SGMS2: variants seen among roughly 807,000 people sequenced by gnomAD.
SGMS2 encodes the protein sphingomyelin synthase 2.
In SGMS2, 21 loss-of-function variants were observed where a neutral mutation model predicts 43.8. The ratio of observed to expected loss-of-function variants is 0.48; its 90% CI spans 0.34 to 0.69. The LOEUF (loss-of-function observed/expected upper bound fraction) is 0.69. SGMS2 is among the 30% of genes least tolerant of loss of function. SGMS2 has a pLI of 0.01. For missense variants in SGMS2, 384 were observed against 443.2 expected, an observed-to-expected ratio of 0.87 and a Z score of 1.20; for synonymous variants, 167 against 160.6, an observed-to-expected ratio of 1.04 and a Z score of -0.30.
chr4:107,900,664 T>A (rs576934978), intron 4 of SGMS2, among the ~76,000 whole-genome samples: 2 of 152,128 alleles, frequency 1.3e-5, no homozygotes, highest in Non-Finnish European at 2.9e-5. Context: ...CAGTGCACCC[T>A]GGTTTACAAA....
At chr4:107,890,344 G>T (rs770163885) in intron 2 of SGMS2, among the ~76,000 whole-genome samples, 62 of 152,042 alleles carry the variant, frequency 4.1e-4, no homozygotes, top group Non-Finnish European at 5.0e-4. Context: ...AGAAGTAAAT[G>T]AAGAAAACAG....
rs201463030 is a variant in SGMS2, at chr4:107,830,727, G to GT, written c.-327+5482dup. Among the ~76,000 whole-genome samples the GT allele has an allele frequency of 4.4e-3, 669 of 151,774 alleles. 3 individuals carry two copies. The highest frequency in any genetic ancestry group is 0.015 in the African/African-American group (606 of 41,352). ...TGCCCATTTTTTAATGGGGTTGTTG[G>GT]TTTTTTTTGCTTGTAAATGTTTAAG... On this transcript the variant is annotated intron_variant, in intron 1 of 6. Transcript: ENST00000690982.
chr4:107,847,546 G>A (rs967934482), intron 1 of SGMS2, among the ~76,000 whole-genome samples: 3 of 152,110 alleles, frequency 2.0e-5, no homozygotes, highest in East Asian at 3.9e-4. Context: ...GTCAGGTAGT[G>A]TGATGCCTCC....
chr4:107,897,828 G>C (rs1302917689), intron 3 of SGMS2, among the ~76,000 whole-genome samples: 1 of 152,114 alleles, frequency 6.6e-6, no homozygotes, highest in Non-Finnish European at 1.5e-5. Context: ...GAACATCCCA[G>C]CTGAATGAGG....
At position 107,892,111 on chromosome 4, in the gene SGMS2, A is replaced by G. The variant is rs1310437363; in HGVS notation, c.-244-3199A>G. On this transcript the variant is annotated intron_variant, in intron 2 of 6. Transcript: ENST00000690982. Reference sequence around the variant, plus strand: ...TATCTCCTGTGTCACTAGGAGCAGGAAAAAAAAAAAAAAACCTCATCTTCC... The same window carrying G: ...TATCTCCTGTGTCACTAGGAGCAGGGAAAAAAAAAAAAAACCTCATCTTCC... Among the ~76,000 whole-genome samples, 5 of 41,402 alleles carry G rather than the reference A, an allele frequency of 1.2e-4. No homozygotes were observed. In the African/African-American group the frequency reaches 1.4e-3, roughly 12 times the overall value. 27.2% of individuals were successfully genotyped at this position (41,402 alleles called of 152,430 possible). A position where few individuals can be genotyped will look rare whatever the true frequency, so the allele number is the denominator to read the frequency against.
At chr4:107,844,712 A>T (rs1220157225) in intron 1 of SGMS2, among the ~76,000 whole-genome samples, 1 of 152,132 alleles carries the variant, frequency 6.6e-6, no homozygotes, top group Non-Finnish European at 1.5e-5. Flanking sequence ...TCTCCAAAAA[A>T]ATGTGTCTAT....
intron 1 of SGMS2, among the ~76,000 whole-genome samples, chr4:107,836,625 G>A (rs549068198): frequency 1.3e-5 from 2 of 152,182 alleles, no homozygotes; most frequent in African/African-American, 4.8e-5. Flanking sequence ...TCACCTCATC[G>A]TCTACCTCTT....
At chr4:107,863,159 A>G (rs1423374189) in intron 2 of SGMS2, among the ~76,000 whole-genome samples, 1 of 152,198 alleles carries the variant, frequency 6.6e-6, no homozygotes, top group Non-Finnish European at 1.5e-5. Context: ...CCCTTGGGTC[A>G]CATCTCTAAT....
At chr4:107,853,282 G>C (rs970209387) in intron 1 of SGMS2, among the ~76,000 whole-genome samples, 20 of 152,046 alleles carry the variant, frequency 1.3e-4, no homozygotes, top group African/African-American at 4.8e-4. Flanking sequence ...CCTGTTTCTT[G>C]GATATTTTAA....
rs1730589066 is a variant in SGMS2, at chr4:107,895,491, G to T, written c.-63G>T. 2.7e-6 allele frequency: 4 copies of T among 1,503,922 alleles called. No homozygotes were observed. Among genetic ancestry groups the T allele is most frequent in the Non-Finnish European group, 3.6e-6 (4 of 1,117,166 alleles). The allele number at this position is 1,503,922 out of a possible 1,614,324, so 93.2% of individuals were successfully genotyped here. A position where few individuals can be genotyped will look rare whatever the true frequency, so the allele number is the denominator to read the frequency against. On this transcript the variant is annotated 5_prime_UTR_variant, in exon 3 of 7. Coordinates refer to ENST00000690982, the MANE Select transcript of SGMS2 (RefSeq NM_001375905.1). ...CTTGGAAATAGAAGGATTGAAAAAA[G>T]CTAAATTTCCACAAAGAACAAGAAC...
At chr4:107,898,539 A>G (rs575973560) in intron 3 of SGMS2, among the ~76,000 whole-genome samples, 1 of 152,250 alleles carries the variant, frequency 6.6e-6, no homozygotes, top group South Asian at 2.1e-4. Context: ...TGTTTTATGC[A>G]GTAATGAAGT....
intron 5 of SGMS2, among the ~76,000 whole-genome samples, chr4:107,907,579 C>T (rs547341183): frequency 6.6e-6 from 1 of 152,186 alleles, no homozygotes; most frequent in South Asian, 2.1e-4. Flanking sequence ...CCATTGAACT[C>T]CAGCATGGGC....
chr4:107,826,134 G>A (rs1396541134), intron 1 of SGMS2, among the ~76,000 whole-genome samples: 1 of 152,152 alleles, frequency 6.6e-6, no homozygotes, highest in Non-Finnish European at 1.5e-5. Context: ...AGATAATAAG[G>A]TGGATTAAAT....
chr4:107,834,783 TC>T (rs931775883), intron 1 of SGMS2, among the ~76,000 whole-genome samples: 5 of 152,176 alleles, frequency 3.3e-5, no homozygotes, highest in African/African-American at 1.2e-4. Context: ...ATGCCTGTAA[TC>T]CCAGTGCTTT....
At chr4:107,865,248 A>G (rs905377500) in intron 2 of SGMS2, among the ~76,000 whole-genome samples, 1 of 152,252 alleles carries the variant, frequency 6.6e-6, no homozygotes, top group Non-Finnish European at 1.5e-5. Flanking sequence ...GTATGATGTT[A>G]AAACTGGAAT....
At chr4:107,899,336 C>T (rs1730931143) in intron 3 of SGMS2, among the ~76,000 whole-genome samples, 1 of 152,148 alleles carries the variant, frequency 6.6e-6, no homozygotes, top group Non-Finnish European at 1.5e-5. Context: ...AGCCAAACCA[C>T]CTAGATTTAT....
intron 1 of SGMS2, among the ~76,000 whole-genome samples, chr4:107,842,884 G>C (rs943237936): frequency 6.6e-6 from 1 of 151,872 alleles, no homozygotes; most frequent in Non-Finnish European, 1.5e-5. Context: ...CCTTTAGTAG[G>C]GGCAGGAAAA....
At position 107,914,297 on chromosome 4, in the gene SGMS2, A is replaced by G. The variant is rs928577613; in HGVS notation, c.*3744A>G. On this transcript the variant is annotated 3_prime_UTR_variant, in exon 7 of 7. Coordinates refer to ENST00000690982, the MANE Select transcript of SGMS2 (RefSeq NM_001375905.1). ...TCTTACTCATTATGCTGTGTTCTAA[A>G]TAAATCATGAATGAGAAGAGTGCTT... is the stretch of plus-strand genomic sequence containing the variant. 2.6e-5 allele frequency: 4 copies of G among 152,276 alleles called. No homozygotes were observed. The highest frequency in any genetic ancestry group is 6.5e-5 in the Admixed American group (1 of 15,292). 9.4% of individuals were successfully genotyped at this position (152,276 alleles called of 1,614,324 possible). A position where few individuals can be genotyped will look rare whatever the true frequency, so the allele number is the denominator to read the frequency against.
intron 2 of SGMS2, among the ~76,000 whole-genome samples, chr4:107,882,024 T>C (rs1004312693): frequency 1.6e-4 from 25 of 152,214 alleles, no homozygotes; most frequent in Admixed American, 5.2e-4. Context: ...TGGACACTTA[T>C]GTTGCTTCCA....
Sources: allele counts gnomAD v4.1 joint callset (sites outside exome capture counted in the v4.1 genomes callset), GRCh38; gene constraint gnomAD v4.1.1; transcripts MANE v1.5; gene names NCBI Gene and HGNC (gene_info 2026-07-23, HGNC 2026-07-21).